The following LRRFIP1 variants were observed in gnomAD, a reference collection of about 807,000 sequenced individuals.
The protein encoded by LRRFIP1 is LRR binding FLII interacting protein 1, also known as leucine-rich repeat flightless-interacting protein 1.
A neutral mutation model predicts 104.4 loss-of-function variants in LRRFIP1; 62 were observed. The ratio of observed to expected loss-of-function variants is 0.59; its 90% CI spans 0.48 to 0.73. The LOEUF (loss-of-function observed/expected upper bound fraction) is 0.73. LRRFIP1 is among the 30% of genes least tolerant of loss of function. The pLI, the probability that LRRFIP1 is intolerant of heterozygous loss-of-function variation, is 0.00. For synonymous variants in LRRFIP1, 300 were observed against 299.0 expected, an observed-to-expected ratio of 1.00 and a Z score of -0.03; for missense variants, 796 against 824.5, an observed-to-expected ratio of 0.97 and a Z score of 0.42.
At chr2:237,775,219 T>C (rs72985201) in intron 23 of LRRFIP1, among the ~76,000 whole-genome samples, 15,906 of 152,200 alleles carry the variant, frequency 0.1, 1,229 homozygotes, top group East Asian at 0.34. Context: ...AAGGAAGACT[T>C]TCCTTCTTGT....
chr2:237,733,244 G>A (rs1007853680), intron 8 of LRRFIP1, among the ~76,000 whole-genome samples: 3 of 152,180 alleles, frequency 2.0e-5, no homozygotes, highest in Admixed American at 1.3e-4. Context: ...GGGCTAGACC[G>A]CGGCTCCTCT....
chr2:237,763,099 A>G (rs765169995), intron 19 of LRRFIP1: 6 of 1,614,238 alleles, frequency 3.7e-6, no homozygotes, highest in South Asian at 1.1e-5. Flanking sequence ...AGGTCCCCCA[A>G]GAGTTAGAGA....
intron 21 of LRRFIP1, chr2:237,772,458 T>G: frequency 2.1e-6 from 1 of 478,856 alleles, no homozygotes; most frequent in South Asian, 3.3e-5. Flanking sequence ...CCACATTTAC[T>G]TTGCTGGATA....
chr2:237,710,433 G>A (rs2094015022), intron 2 of LRRFIP1, among the ~76,000 whole-genome samples: 2 of 151,544 alleles, frequency 1.3e-5, no homozygotes, highest in African/African-American at 2.4e-5. Flanking sequence ...ACAGGTACCC[G>A]CCACCATGCC....
At chr2:237,751,815 T>C (rs569372533) in intron 14 of LRRFIP1, among the ~76,000 whole-genome samples, 6 of 152,160 alleles carry the variant, frequency 3.9e-5, no homozygotes, top group African/African-American at 1.4e-4. Context: ...GCTTTTAGAG[T>C]GTGCAGTGAC....
intron 23 of LRRFIP1, 138 bp from the exon 24 acceptor site, chr2:237,779,284 A>T: frequency 1.5e-6 from 2 of 1,331,416 alleles, no homozygotes; most frequent in East Asian, 5.7e-5. Context: ...GTTTCAGAGG[A>T]GGAAGGGCAT....
At chr2:237,744,244 G>C (rs769294205) in intron 11 of LRRFIP1, among the ~76,000 whole-genome samples, 5 of 152,168 alleles carry the variant, frequency 3.3e-5, no homozygotes, top group Non-Finnish European at 7.4e-5. Flanking sequence ...CCTTAAAATG[G>C]GTGTTTTCTG....
At chr2:237,670,553 T>C (rs898743383) in intron 1 of LRRFIP1, among the ~76,000 whole-genome samples, 4 of 152,354 alleles carry the variant, frequency 2.6e-5, no homozygotes, top group African/African-American at 9.6e-5. Context: ...ACATTGGTGC[T>C]GTGCAGATGA....
intron 1 of LRRFIP1, among the ~76,000 whole-genome samples, chr2:237,629,467 CTT>C (rs745503726): frequency 0.23 from 27,021 of 116,400 alleles, 3,268 homozygotes; most frequent in East Asian, 0.42. Context: ...TTTCTTTCTT[CTT>C]TTTTTTTTTT....
At position 237,702,559 on chromosome 2, in the gene LRRFIP1, G is replaced by C. The variant is rs2093595321; in HGVS notation, c.97-5985G>C. 3.9e-5 allele frequency among the ~76,000 whole-genome samples: 6 copies of C among 152,352 alleles called. No individual in the cohort carries two copies. The South Asian group carries it at 1.2e-3, about 32-fold the overall frequency. On this transcript the variant is annotated intron_variant, in intron 1 of 23. Coordinates refer to ENST00000308482, the MANE Select transcript of LRRFIP1 (RefSeq NM_001137550.2). Reference sequence around the variant, plus strand: ...GCGGGCAGCAGCAGGAACTGAGAGAGGACACGGTGGGGGCAGCGCTGCAAA... The same window carrying C: ...GCGGGCAGCAGCAGGAACTGAGAGACGACACGGTGGGGGCAGCGCTGCAAA...
chr2:237,712,643 A>G (rs1420997973), intron 2 of LRRFIP1, among the ~76,000 whole-genome samples: 1 of 151,602 alleles, frequency 6.6e-6, no homozygotes, highest in Non-Finnish European at 1.5e-5. Context: ...GTGCGTGTGC[A>G]TGTGTGTGTG....
intron 11 of LRRFIP1, 62 bp downstream of exon 11, chr2:237,739,371 C>A: frequency 1.4e-6 from 2 of 1,383,150 alleles, no homozygotes; most frequent in African/African-American, 1.4e-5. Flanking sequence ...TTCCCTTATC[C>A]TCCTCTTCCA....
At chr2:237,742,288 A>C (rs937330548) in intron 11 of LRRFIP1, among the ~76,000 whole-genome samples, 49 of 152,164 alleles carry the variant, frequency 3.2e-4, no homozygotes, top group Admixed American at 3.2e-3. Context: ...CTCAACTAGC[A>C]AAGGTCAGTT....
chr2:237,765,973 A>C, intron 19 of LRRFIP1: 1 of 943,608 alleles, frequency 1.1e-6, no homozygotes, highest in Non-Finnish European at 1.3e-6. Flanking sequence ...TGTTGTATGT[A>C]ATACCACCTT....
At chr2:237,673,109 A>G (rs2090591116) in intron 1 of LRRFIP1, among the ~76,000 whole-genome samples, 1 of 152,216 alleles carries the variant, frequency 6.6e-6, no homozygotes, top group African/African-American at 2.4e-5. Context: ...GGATTAGCCT[A>G]ACTTCTTCAG....
At chr2:237,721,895 T>C (rs992092343) in intron 6 of LRRFIP1, 1 of 152,260 alleles carries the variant, frequency 6.6e-6, no homozygotes, top group Non-Finnish European at 1.5e-5. Context: ...TCCTGAGATG[T>C]AGCCTCAGGG....
At chr2:237,648,568 GAA>G (rs759576812) in intron 1 of LRRFIP1, among the ~76,000 whole-genome samples, 7 of 141,218 alleles carry the variant, frequency 5.0e-5, no homozygotes, top group African/African-American at 1.3e-4. Flanking sequence ...ATCTCTACAA[GAA>G]AAAAAAAAAA....
intron 1 of LRRFIP1, among the ~76,000 whole-genome samples, chr2:237,646,712 T>C (rs1029416021): frequency 6.6e-6 from 1 of 151,902 alleles, no homozygotes; most frequent in Non-Finnish European, 1.5e-5. Flanking sequence ...TGCCTCCGCA[T>C]GCACACACAG....
intron 11 of LRRFIP1, among the ~76,000 whole-genome samples, chr2:237,747,521 T>C (rs1368337162): frequency 1.3e-5 from 2 of 152,246 alleles, no homozygotes. Flanking sequence ...CAGGTGTTGC[T>C]GAGCCGTGGC....
Sources: allele counts gnomAD v4.1 joint callset (sites outside exome capture counted in the v4.1 genomes callset), GRCh38; gene constraint gnomAD v4.1.1; transcripts MANE v1.5; gene names NCBI Gene and HGNC (gene_info 2026-07-23, HGNC 2026-07-21).